Variants in EVI5 observed in about 807,000 individuals in gnomAD.
The protein encoded by EVI5 is ecotropic viral integration site 5 protein homolog.
EVI5 carries 73 observed loss-of-function variants against 112.0 expected under a neutral mutation model. The observed-to-expected ratio is 0.65, with a 90% CI of 0.54 to 0.79. The LOEUF (loss-of-function observed/expected upper bound fraction) is 0.79. EVI5 is among the 30% of genes least tolerant of loss of function. EVI5 has a pLI of 0.00. For missense variants in EVI5, 900 were observed against 968.8 expected, an observed-to-expected ratio of 0.93 and a Z score of 0.94; for synonymous variants, 305 against 319.9, an observed-to-expected ratio of 0.95 and a Z score of 0.50.
In EVI5 at chr1:92,656,638, C is replaced by T. The variant is rs184490671; in HGVS notation, c.1392+6081G>A. The stretch of plus-strand genomic sequence containing the variant: ...GAAAAAAATAAACAAAACCAATATA[C>T]TGCTCAATTAACCAAGAAAAGAGAG... On this transcript the variant is annotated intron_variant, in intron 13 of 19. Coordinates refer to ENST00000684568, the MANE Select transcript of EVI5 (RefSeq NM_001350197.2). 1.2e-3 allele frequency among the ~76,000 whole-genome samples: 189 copies of T among 151,950 alleles called. 1 individual carries two copies. The highest frequency in any genetic ancestry group is 4.4e-3 in the African/African-American group (181 of 41,448).
Position 92,722,956 on chromosome 1 carries a change from G to C in EVI5, c.149+13442C>G, listed in dbSNP as rs188312190. The stretch of plus-strand genomic sequence containing the variant: ...GAAAACCTTTAAAAGGGCTTCCTAA[G>C]AAATGATAAGAAAGCAGTATTTTCT... On this transcript the variant is annotated intron_variant, in intron 2 of 19. Transcript: ENST00000684568. Among the ~76,000 whole-genome samples the C allele has an allele frequency of 7.2e-5, 11 of 152,266 alleles. No individual in the cohort carries two copies. In the East Asian group the frequency reaches 2.1e-3, roughly 29 times the overall value.
chr1:92,647,542 G>T, intron 13 of EVI5: 1 of 532,484 alleles, frequency 1.9e-6, no homozygotes, highest in South Asian at 2.1e-5. Context: ...AAAATTGACA[G>T]AGACCTCTGG....
At chr1:92,719,645 G>A (rs931778562) in intron 2 of EVI5, among the ~76,000 whole-genome samples, 2 of 152,016 alleles carry the variant, frequency 1.3e-5, no homozygotes, top group Non-Finnish European at 2.9e-5. Flanking sequence ...ACAAGACAGG[G>A]ATGCCCTCTC....
chr1:92,703,282 C>T (rs565268130), intron 4 of EVI5, 113 bp downstream of exon 4: 2 of 657,742 alleles, frequency 3.0e-6, no homozygotes, highest in Non-Finnish European at 5.1e-6. Flanking sequence ...ACCAATTTCA[C>T]TGCCAAAGCA....
chr1:92,567,814 C>T (rs1669729191), intron 18 of EVI5, among the ~76,000 whole-genome samples: 1 of 152,146 alleles, frequency 6.6e-6, no homozygotes, highest in Non-Finnish European at 1.5e-5. Flanking sequence ...TTACTATATT[C>T]CAAATATGCT....
intron 2 of EVI5, among the ~76,000 whole-genome samples, chr1:92,723,779 TGCAGAAAGTGAGTA>T (rs1414572188): frequency 6.6e-6 from 1 of 152,186 alleles, no homozygotes; most frequent in Middle Eastern, 3.2e-3. Flanking sequence ...TTTTTCTTCT[TGCAGAAAGTGAGTA>T]GCAGAAATAT....
intron 1 of EVI5, among the ~76,000 whole-genome samples, chr1:92,766,916 T>C (rs1406537328): frequency 6.6e-6 from 1 of 152,042 alleles, no homozygotes; most frequent in Non-Finnish European, 1.5e-5. Context: ...ACTCTGTCCC[T>C]ACTGAAAATA....
chr1:92,753,027 G>T (rs977397454), intron 1 of EVI5, among the ~76,000 whole-genome samples: 3 of 151,638 alleles, frequency 2.0e-5, no homozygotes, highest in African/African-American at 7.3e-5. Context: ...AAACACTAAA[G>T]AACTTAATTT....
intron 9 of EVI5, among the ~76,000 whole-genome samples, chr1:92,682,572 G>A (rs899325259): frequency 1.3e-5 from 2 of 152,094 alleles, no homozygotes; most frequent in African/African-American, 4.8e-5. Flanking sequence ...GACCAGCCTG[G>A]CCAACATAGC....
intron 18 of EVI5, among the ~76,000 whole-genome samples, chr1:92,583,221 C>A (rs1672228882): frequency 6.6e-6 from 1 of 151,758 alleles, no homozygotes; most frequent in African/African-American, 2.4e-5. Context: ...TTAAAAATAA[C>A]CTTGGGGTCA....
chr1:92,694,480 G>A, intron 7 of EVI5, 92 bp from the exon 8 acceptor site: 1 of 720,598 alleles, frequency 1.4e-6, no homozygotes, highest in South Asian at 1.8e-5. Flanking sequence ...AAACATTTAG[G>A]GATCTAAACT....
chr1:92,736,481 T>C lies in EVI5; in HGVS notation c.66A>G (p.Ser22=), dbSNP rs1270473427. The change falls in exon 2 of 20, where the codon TCA becomes TCG. Residue 22 remains serine (S), a synonymous_variant. Transcript: ENST00000684568. ...GGGAAGATGGTGAAAGGGCTGGTGT[T>C]GATAGTGTGGTAGATGAGGATGTGG... ...LHTTSSSTTL[S]TPALSPSSPS... The C allele has an allele frequency of 1.9e-6, 3 of 1,613,776 alleles. No individual in the cohort carries two copies.
intron 13 of EVI5, among the ~76,000 whole-genome samples, chr1:92,659,302 G>C (rs1455169454): frequency 3.3e-5 from 5 of 152,014 alleles, no homozygotes; most frequent in Non-Finnish European, 7.4e-5. Context: ...ATAATCAACA[G>C]AGTGAATAGA....
chr1:92,527,728 T>G (rs1662169001), intron 19 of EVI5, among the ~76,000 whole-genome samples: 1 of 152,214 alleles, frequency 6.6e-6, no homozygotes, highest in South Asian at 2.1e-4. Context: ...TATAAAGGAT[T>G]ATATGGTATG....
At chr1:92,787,600 G>A (rs1355102326), upstream of EVI5, among the ~76,000 whole-genome samples, 1 of 152,110 alleles carries the variant, frequency 6.6e-6, no homozygotes, top group East Asian at 1.9e-4. Context: ...ATTTAGACAG[G>A]TGTGGTGGTA....
At chr1:92,542,622 C>A (rs563032882) in intron 19 of EVI5, among the ~76,000 whole-genome samples, 15 of 152,198 alleles carry the variant, frequency 9.9e-5, no homozygotes, top group Non-Finnish European at 1.8e-4. Flanking sequence ...TCTGGATAAC[C>A]TGCTGCTTCT....
chr1:92,574,461 T>C (rs768693439), intron 18 of EVI5, among the ~76,000 whole-genome samples: 5 of 152,144 alleles, frequency 3.3e-5, no homozygotes, highest in Admixed American at 6.6e-5. Context: ...TGAGAAAGGT[T>C]TTCTCTACAG....
chr1:92,627,890 A>G (rs1656031059), intron 14 of EVI5, among the ~76,000 whole-genome samples: 1 of 152,076 alleles, frequency 6.6e-6, no homozygotes, highest in African/African-American at 2.4e-5. Flanking sequence ...CCCGGGTTCA[A>G]GCAATTCTCT....
chr1:92,692,544 A>G (rs192062674), intron 9 of EVI5, among the ~76,000 whole-genome samples: 3 of 152,312 alleles, frequency 2.0e-5, no homozygotes, highest in Admixed American at 1.3e-4. Flanking sequence ...TGCTTTTGTC[A>G]ATTAGAGCTA....
Sources: gnomAD v4.1 joint callset for allele counts (sites outside exome capture counted in the v4.1 genomes callset) on GRCh38, gnomAD v4.1.1 for gene constraint, MANE v1.5 for transcripts, NCBI Gene and HGNC (gene_info 2026-07-23, HGNC 2026-07-21) for gene names.